The following METTL2B variants were observed in gnomAD, a reference collection of about 807,000 sequenced individuals.
METTL2B encodes tRNA N(3)-cytidine methyltransferase METTL2B.
A neutral mutation model predicts 51.0 loss-of-function variants in METTL2B; 28 were observed. The ratio of observed to expected loss-of-function variants is 0.55; its 90% CI spans 0.41 to 0.75. The LOEUF (loss-of-function observed/expected upper bound fraction) is 0.75, where lower values mean the gene tolerates loss of function less well. Among genes scored for constraint, METTL2B ranks in the 30% least tolerant of loss-of-function variants. The pLI is 0.00. For missense variants in METTL2B, 313 were observed against 460.7 expected, an observed-to-expected ratio of 0.68 and a Z score of 2.93; for synonymous variants, 128 against 166.3, an observed-to-expected ratio of 0.77 and a Z score of 1.77.
rs1793070327 is a variant in METTL2B at position 128,503,568 on chromosome 7, A to G, written c.*1652A>G. The stretch of plus-strand genomic sequence containing the variant: ...CTCCACCTCAGCCTCCTGAGTAGCT[A>G]GGACTGCAGGTGGGCACCATCATGC... On this transcript the variant is annotated 3_prime_UTR_variant, in exon 9 of 9. Transcript: ENST00000262432. The G allele has an allele frequency of 1.3e-5, 2 of 151,920 alleles. No homozygotes were observed. Among genetic ancestry groups the G allele is most frequent in the Non-Finnish European group, 2.9e-5 (2 of 68,012 alleles). The allele number at this position is 151,920 out of a possible 1,614,324, so 9.4% of individuals were successfully genotyped here.
chr7:128,490,881 G>T (rs1239821475), intron 5 of METTL2B, among the ~76,000 whole-genome samples: 1 of 152,136 alleles, frequency 6.6e-6, no homozygotes, highest in Non-Finnish European at 1.5e-5. Context: ...TATCTGTTAT[G>T]GCTGGGTGCA....
chr7:128,499,324 C>T (rs1792983310), intron 7 of METTL2B, among the ~76,000 whole-genome samples: 1 of 152,162 alleles, frequency 6.6e-6, no homozygotes, highest in Admixed American at 6.6e-5. Flanking sequence ...GAGGTGCATT[C>T]CTTCATTACT....
At chr7:128,489,094 ACAGAGCGAGACTC>A (rs1792775429) in intron 5 of METTL2B, among the ~76,000 whole-genome samples, 1 of 151,910 alleles carries the variant, frequency 6.6e-6, no homozygotes. Context: ...CAGCTAGACG[ACAGAGCGAGACTC>A]CATCTCAAAA....
chr7:128,502,022 A>C lies in METTL2B; in HGVS notation c.*106A>C. 1 of 1,499,896 alleles carries C rather than the reference A, an allele frequency of 6.7e-7. No homozygotes were observed. Among genetic ancestry groups the C allele is most frequent in the Non-Finnish European group, 9.0e-7 (1 of 1,110,286 alleles). The allele number at this position is 1,499,896 out of a possible 1,614,324, so 92.9% of individuals were successfully genotyped here. On this transcript the variant is annotated 3_prime_UTR_variant, in exon 9 of 9. Transcript: ENST00000262432. ...TGCATGCCTGTAATCCCAGCCACTCAGGAGGCTGAGGCAGGGAGGATCCAT... is the reference window on the plus strand; with the variant it reads ...TGCATGCCTGTAATCCCAGCCACTCCGGAGGCTGAGGCAGGGAGGATCCAT...
At chr7:128,484,203 C>G (rs183834910) in intron 4 of METTL2B, 96 of 111,810 alleles carry the variant, frequency 8.6e-4, no homozygotes, top group African/African-American at 3.7e-3. Flanking sequence ...TTGAGTTACC[C>G]TATTGCCTAG....
chr7:128,489,399 G>A (rs1390981894), intron 5 of METTL2B, among the ~76,000 whole-genome samples: 1 of 150,454 alleles, frequency 6.6e-6, no homozygotes, highest in Non-Finnish European at 1.5e-5. Flanking sequence ...TCGTGCCACT[G>A]CACTCCAGTC....
At chr7:128,500,391 CG>C (rs1247891432) in intron 7 of METTL2B, among the ~76,000 whole-genome samples, 1 of 152,078 alleles carries the variant, frequency 6.6e-6, no homozygotes, top group Non-Finnish European at 1.5e-5. Flanking sequence ...GAGGCCAAGG[CG>C]GGTGGATCAC....
At chr7:128,480,318 A>C (rs933732606) in intron 3 of METTL2B, among the ~76,000 whole-genome samples, 1 of 152,196 alleles carries the variant, frequency 6.6e-6, no homozygotes, top group Non-Finnish European at 1.5e-5. Flanking sequence ...GTCTATTACA[A>C]ATATTTTCAC....
At chr7:128,500,653 G>C (rs1584798517) in intron 7 of METTL2B, among the ~76,000 whole-genome samples, 1 of 60,968 alleles carries the variant, frequency 1.6e-5, no homozygotes, top group African/African-American at 4.1e-5. Flanking sequence ...AGTTTGTGCT[G>C]TTAGTTTAAT....
chr7:128,500,832 A>T, intron 7 of METTL2B, 71 bp from the exon 8 acceptor site: 3 of 1,582,752 alleles, frequency 1.9e-6, no homozygotes, highest in African/African-American at 2.7e-5. Context: ...CCTCTCAGTT[A>T]ACATTCCTTA....
At chr7:128,489,870 C>T (rs1422550792) in intron 5 of METTL2B, among the ~76,000 whole-genome samples, 22 of 151,826 alleles carry the variant, frequency 1.4e-4, no homozygotes, top group Admixed American at 2.6e-4. Context: ...CCTCGTGATC[C>T]GCCCGCCTCG....
Position 128,501,921 on chromosome 7 carries a change from C to A in METTL2B, c.*5C>A. 6.2e-7 allele frequency: 1 copy of A among 1,613,388 alleles called. No individual in the cohort carries two copies. On this transcript the variant is annotated 3_prime_UTR_variant, in exon 9 of 9. Coordinates refer to ENST00000262432, the MANE Select transcript of METTL2B (RefSeq NM_018396.3). The stretch of plus-strand genomic sequence containing the variant: ...CTTCTGTCCAGCACCAGCTAAGAGG[C>A]ACCTGCTGCCAACACGATGCAAGCC...
At chr7:128,476,998 G>A (rs1189729611) in intron 1 of METTL2B, 84 bp from the exon 2 acceptor site, 1 of 1,315,418 alleles carries the variant, frequency 7.6e-7, no homozygotes, top group Non-Finnish European at 1.0e-6. Context: ...CACTCTCCAA[G>A]GGGAGAGAAA....
intron 4 of METTL2B, among the ~76,000 whole-genome samples, chr7:128,482,392 G>A (rs1799882894): frequency 6.6e-6 from 1 of 152,146 alleles, no homozygotes; most frequent in African/African-American, 2.4e-5. Flanking sequence ...GACCTCAGGT[G>A]ATCTACCTGC....
At chr7:128,493,617 G>C (rs1219771464) in intron 5 of METTL2B, among the ~76,000 whole-genome samples, 187 bp from the exon 6 acceptor site, 1 of 152,084 alleles carries the variant, frequency 6.6e-6, no homozygotes, top group Non-Finnish European at 1.5e-5. Flanking sequence ...CCTATCGCGT[G>C]AACCCAACAG....
chr7:128,478,803 G>A (rs1799837175), intron 2 of METTL2B, among the ~76,000 whole-genome samples: 1 of 152,008 alleles, frequency 6.6e-6, no homozygotes, highest in African/African-American at 2.4e-5. Flanking sequence ...GGTGGAGCTT[G>A]TGGTGAGCCA....
At chr7:128,493,707 G>A in intron 5 of METTL2B, 97 bp from the exon 6 acceptor site, 1 of 1,478,974 alleles carries the variant, frequency 6.8e-7, no homozygotes, top group Non-Finnish European at 9.1e-7. Flanking sequence ...TCTTCGTGAA[G>A]TAGCAACAGT....
intron 5 of METTL2B, among the ~76,000 whole-genome samples, chr7:128,492,311 T>G (rs573806856): frequency 6.6e-6 from 1 of 151,238 alleles, no homozygotes; most frequent in Non-Finnish European, 1.5e-5. Flanking sequence ...CGGGTGCCAC[T>G]GCACCCAGCT....
intron 6 of METTL2B, 136 bp downstream of exon 6, chr7:128,494,079 A>G: frequency 8.5e-7 from 1 of 1,177,138 alleles, no homozygotes; most frequent in South Asian, 1.6e-5. Context: ...TGCAGCCTTA[A>G]TCTCTTGAGC....
Sources: allele counts gnomAD v4.1 joint callset (sites outside exome capture counted in the v4.1 genomes callset), GRCh38; gene constraint gnomAD v4.1.1; transcripts MANE v1.5; gene names NCBI Gene and HGNC (gene_info 2026-07-23, HGNC 2026-07-21).